The following BTBD9 variants were observed in gnomAD, a reference collection of about 807,000 sequenced individuals.
BTBD9 encodes BTB domain containing 9.
BTBD9 carries 49 observed loss-of-function variants against 64.3 expected under a neutral mutation model. That is an observed-to-expected ratio of 0.76 (90% CI 0.61 to 0.97). BTBD9 has a LOEUF of 0.97. Ranked by LOEUF, BTBD9 falls within the 50% of genes least tolerant of loss-of-function variation. The probability of loss-of-function intolerance (pLI) is 0.00; values close to 1 mark genes in which losing one functional copy is unlikely to be tolerated. For missense variants in BTBD9, 598 were observed against 762.1 expected (o/e 0.78, Z 2.53); for synonymous variants, 260 against 274.7 (o/e 0.95, Z 0.53).
chr6:38,181,491 T>A (rs1761552415), intron 10 of BTBD9, among the ~76,000 whole-genome samples: 1 of 152,198 alleles, frequency 6.6e-6, no homozygotes, highest in Non-Finnish European at 1.5e-5. Flanking sequence ...CCACCCAGCG[T>A]TCAGTGACAT....
intron 6 of BTBD9, among the ~76,000 whole-genome samples, chr6:38,417,753 A>T (rs1259482238): frequency 6.9e-6 from 1 of 145,814 alleles, no homozygotes; most frequent in Non-Finnish European, 1.5e-5. Context: ...AGCCTAGGTG[A>T]CAGAGCAACA....
chr6:38,311,194 T>C (rs1762815784), intron 7 of BTBD9, among the ~76,000 whole-genome samples: 1 of 148,340 alleles, frequency 6.7e-6, no homozygotes, highest in African/African-American at 2.6e-5. Context: ...ATCTTATTCA[T>C]CCTATTTTTT....
intron 6 of BTBD9, among the ~76,000 whole-genome samples, chr6:38,416,031 T>C (rs574022481): frequency 6.6e-6 from 1 of 152,308 alleles, no homozygotes; most frequent in South Asian, 2.1e-4. Context: ...TAAGGCACTA[T>C]ACATTGCTAG....
At position 38,572,227 on chromosome 6, in the gene BTBD9, T is replaced by C. The variant is rs570737225; in HGVS notation, c.1154+5373A>G. Reference sequence around the variant, plus strand: ...CCCAAATTCCAAAAGCACAGAAACCTTGGCAATCTTCTTCAGTGTTGTGGC... The same window carrying C: ...CCCAAATTCCAAAAGCACAGAAACCCTGGCAATCTTCTTCAGTGTTGTGGC... On this transcript the variant is annotated intron_variant, in intron 6 of 10. Coordinates refer to ENST00000481247, the MANE Select transcript of BTBD9 (RefSeq NM_001099272.2). Among the ~76,000 whole-genome samples the C allele has an allele frequency of 2.6e-5, 4 of 152,302 alleles. No homozygotes were observed. In the South Asian group the frequency reaches 8.3e-4, roughly 32 times the overall value.
At chr6:38,363,985 T>C (rs1483321702) in intron 6 of BTBD9, among the ~76,000 whole-genome samples, 1 of 152,170 alleles carries the variant, frequency 6.6e-6, no homozygotes, top group Non-Finnish European at 1.5e-5. Flanking sequence ...TCACAGAGAA[T>C]GAGGCCTTGA....
chr6:38,405,798 T>C (rs1040194022), intron 6 of BTBD9, among the ~76,000 whole-genome samples: 5 of 152,250 alleles, frequency 3.3e-5, no homozygotes, highest in African/African-American at 1.2e-4. Flanking sequence ...GTTTCCATAC[T>C]GATCGCAGAT....
intron 6 of BTBD9, among the ~76,000 whole-genome samples, chr6:38,423,432 G>A (rs937981093): frequency 6.6e-6 from 1 of 151,936 alleles, no homozygotes; most frequent in African/African-American, 2.4e-5. Context: ...AGCCTCCCTC[G>A]AAACTGGGAC....
intron 9 of BTBD9, among the ~76,000 whole-genome samples, chr6:38,244,040 G>A (rs1284997992): frequency 6.6e-6 from 1 of 152,122 alleles, no homozygotes; most frequent in Non-Finnish European, 1.5e-5. Flanking sequence ...AACTGAGGCA[G>A]GTCACTTTAA....
intron 6 of BTBD9, among the ~76,000 whole-genome samples, chr6:38,543,718 G>T (rs892163683): frequency 1.3e-5 from 2 of 152,108 alleles, no homozygotes; most frequent in Admixed American, 1.3e-4. Context: ...AGCACTTTGG[G>T]AGGCCGAGAC....
chr6:38,313,213 TAAAAA>T (rs1762905803), intron 7 of BTBD9, among the ~76,000 whole-genome samples: 1 of 152,222 alleles, frequency 6.6e-6, no homozygotes, highest in Admixed American at 6.5e-5. Flanking sequence ...CATAAGCATA[TAAAAA>T]TGCTACTGGT....
chr6:38,326,069 G>C (rs560311789), intron 7 of BTBD9, among the ~76,000 whole-genome samples: 4 of 152,216 alleles, frequency 2.6e-5, no homozygotes, highest in African/African-American at 4.8e-5. Context: ...CTAGGGGTAG[G>C]GGGGGTCAGG....
At chr6:38,201,881 CA>C (rs1282361251) in intron 9 of BTBD9, among the ~76,000 whole-genome samples, 1 of 151,958 alleles carries the variant, frequency 6.6e-6, no homozygotes, top group Non-Finnish European at 1.5e-5. Flanking sequence ...TAAATTTAAC[CA>C]AGGAGGTGGA....
At chr6:38,307,889 G>A (rs913451962) in intron 7 of BTBD9, among the ~76,000 whole-genome samples, 1 of 152,180 alleles carries the variant, frequency 6.6e-6, no homozygotes, top group Non-Finnish European at 1.5e-5. Context: ...CAGAGGAAGT[G>A]GCCTGCTTTC....
intron 6 of BTBD9, among the ~76,000 whole-genome samples, chr6:38,481,449 A>G (rs1389836453): frequency 6.6e-6 from 1 of 152,214 alleles, no homozygotes; most frequent in Non-Finnish European, 1.5e-5. Flanking sequence ...TGTTTTGAAA[A>G]GTAAAAATCC....
intron 6 of BTBD9, among the ~76,000 whole-genome samples, chr6:38,433,066 GCT>G (rs760043760): frequency 4.3e-4 from 66 of 151,972 alleles, no homozygotes; most frequent in Non-Finnish European, 7.8e-4. Context: ...ATATGATCAG[GCT>G]CTCAGCCACA....
intron 6 of BTBD9, among the ~76,000 whole-genome samples, chr6:38,531,935 C>A (rs1409915579): frequency 6.6e-6 from 1 of 152,040 alleles, no homozygotes; most frequent in Non-Finnish European, 1.5e-5. Flanking sequence ...ACAAGGACAC[C>A]AATTTAACAA....
At chr6:38,216,538 G>A (rs1414455583) in intron 9 of BTBD9, among the ~76,000 whole-genome samples, 1 of 152,184 alleles carries the variant, frequency 6.6e-6, no homozygotes. Context: ...TGGATTTTCT[G>A]CATGTATAAT....
At chr6:38,392,013 C>G (rs1210286257) in intron 6 of BTBD9, among the ~76,000 whole-genome samples, 4 of 152,186 alleles carry the variant, frequency 2.6e-5, no homozygotes, top group Non-Finnish European at 5.9e-5. Flanking sequence ...ACAGATGTCT[C>G]TTTGGATCAC....
chr6:38,254,847 T>G (rs943501464), intron 9 of BTBD9, among the ~76,000 whole-genome samples: 1 of 152,168 alleles, frequency 6.6e-6, no homozygotes, highest in African/African-American at 2.4e-5. Flanking sequence ...TGTGAAAAAT[T>G]TTGGCAGTTC....
Sources: gnomAD v4.1 joint callset for allele counts (sites outside exome capture counted in the v4.1 genomes callset) on GRCh38, gnomAD v4.1.1 for gene constraint, MANE v1.5 for transcripts, NCBI Gene and HGNC (gene_info 2026-07-23, HGNC 2026-07-21) for gene names.